Variants in CROCC observed in about 807,000 individuals in gnomAD.
CROCC encodes rootletin.
A neutral mutation model predicts 245.2 loss-of-function variants in CROCC; 180 were observed. That is an observed-to-expected ratio of 0.73 (90% confidence interval 0.65 to 0.83). CROCC has a LOEUF of 0.83. Ranked by LOEUF, CROCC falls within the 40% of genes least tolerant of loss-of-function variation. The pLI, the probability that CROCC is intolerant of heterozygous loss-of-function variation, is 0.00. For synonymous variants in CROCC, 1,205 were observed against 1,241.6 expected (o/e 0.97, Z 0.62); for missense variants, 2,688 against 2,779.4 (o/e 0.97, Z 0.74).
chr1:16,961,132 T>TAAGGGC lies in CROCC; in HGVS notation c.4405+4_4405+9dup. The TAAGGGC allele has an allele frequency of 7.5e-7, 1 of 1,334,256 alleles. No homozygotes were observed. The highest frequency in any genetic ancestry group is 9.5e-7 in the Non-Finnish European group (1 of 1,047,452). 82.7% of individuals were successfully genotyped at this position (1,334,256 alleles called of 1,614,324 possible). A position where few individuals can be genotyped will look rare whatever the true frequency, so the allele number is the denominator to read the frequency against. On this transcript the variant is annotated splice_region_variant and intron_variant, in intron 27 of 36. Transcript: ENST00000375541. Reference sequence around the variant, plus strand: ...CTGCCCGGGACGCACCCGCAGAAGGTAAGGGCAGTGCCGCGCGCAGGGAAG... The same window carrying TAAGGGC: ...CTGCCCGGGACGCACCCGCAGAAGGTAAGGGCAAGGGCAGTGCCGCGCGCAGGGAAG...
chr1:16,937,976 G>T (rs1300240157), intron 10 of CROCC, among the ~76,000 whole-genome samples: 12 of 152,268 alleles, frequency 7.9e-5, no homozygotes, highest in Admixed American at 5.9e-4. Flanking sequence ...AGGCCCAAGA[G>T]GGGTAATGCT....
At chr1:16,919,604 T>G (rs2075361697), upstream of CROCC, among the ~76,000 whole-genome samples, 1 of 152,282 alleles carries the variant, frequency 6.6e-6, no homozygotes. Flanking sequence ...GCTCCTCGAG[T>G]GAGCAATTCC....
At chr1:16,965,927 T>C (rs1231969135) in intron 28 of CROCC, 35 bp downstream of exon 28, 2 of 1,605,344 alleles carry the variant, frequency 1.2e-6, no homozygotes, top group Non-Finnish European at 1.7e-6. Flanking sequence ...ATGGGGAACC[T>C]GGAGGGCCCT....
At chr1:16,967,432 T>A (rs1244918354) in intron 30 of CROCC, among the ~76,000 whole-genome samples, 1 of 152,046 alleles carries the variant, frequency 6.6e-6, no homozygotes, top group African/African-American at 2.4e-5. Context: ...CGAGCTTAGC[T>A]GGATTGTTGT....
rs2076522152 is a variant in CROCC at position 16,971,583 on chromosome 1, CTG to C, written c.5904_5905del (p.Glu1969AlafsTer122). ...CGGCTGCGCAGCGCCCAGGCGCAGA[CTG>C]AGCGCACCCTGGAGGCTCGGGAGCG... On this transcript the variant is annotated frameshift_variant, in exon 36 of 37. Transcript: ENST00000375541. LOFTEE classifies it high-confidence loss of function. The C allele has an allele frequency of 6.5e-7, 1 of 1,532,970 alleles. No homozygotes were observed. Among genetic ancestry groups the C allele is most frequent in the South Asian group, 1.2e-5 (1 of 83,756 alleles). 95.0% of individuals were successfully genotyped at this position (1,532,970 alleles called of 1,614,324 possible).
chr1:16,969,302 G>A lies in CROCC; in HGVS notation c.5263G>A (p.Ala1755Thr). ...GGACAAGAACCTGCATCTGCAGAAG[G>A]CTCTGACCGCCTGTGAACATGACCG... ...TRDKNLHLQKALTACEHDRQV... is the reference protein window; with the variant it reads ...TRDKNLHLQKTLTACEHDRQV... The change falls in exon 32 of 37, where the codon GCT (alanine) becomes ACT (threonine). Residue 1755 changes from alanine to threonine, a missense_variant. Coordinates refer to ENST00000375541, the MANE Select transcript of CROCC (RefSeq NM_014675.5). 1.2e-6 allele frequency: 2 copies of A among 1,612,112 alleles called. No homozygotes were observed. Among genetic ancestry groups the A allele is most frequent in the Non-Finnish European group, 1.7e-6 (2 of 1,179,578 alleles).
At chr1:16,923,596 C>A (rs1488054085) in intron 2 of CROCC, among the ~76,000 whole-genome samples, 1 of 152,148 alleles carries the variant, frequency 6.6e-6, no homozygotes, top group African/African-American at 2.4e-5. Context: ...GAGCCCTAGC[C>A]TTTAAAGTTC....
At chr1:16,929,508 C>T (rs112644715) in intron 3 of CROCC, among the ~76,000 whole-genome samples, 2,064 of 151,450 alleles carry the variant, frequency 0.014, no homozygotes, top group African/African-American at 0.048. Context: ...TAAACAGAAA[C>T]CACGACAGGG....
Position 16,969,736 on chromosome 1 carries a change from T to G in CROCC, c.5302-49T>G, listed in dbSNP as rs767761180. The G allele has an allele frequency of 3.2e-6, 5 of 1,577,122 alleles. No homozygotes were observed. The African/African-American group carries it at 6.8e-5, about 21-fold the overall frequency. ...TCCAGAGGTACAGAATAGAGAGGAC[T>G]CCTTAGGGCTCCCAGGCCAGCCAGG... On this transcript the variant is annotated intron_variant, in intron 32 of 36. Coordinates refer to ENST00000375541, the MANE Select transcript of CROCC (RefSeq NM_014675.5).
At chr1:16,957,578 G>A (rs998238438) in intron 25 of CROCC, among the ~76,000 whole-genome samples, 9 of 152,014 alleles carry the variant, frequency 5.9e-5, no homozygotes, top group African/African-American at 1.4e-4. Flanking sequence ...AAGTAGCTGG[G>A]ATTACAGATG....
rs540753825 is a variant in CROCC at position 16,943,963 on chromosome 1, G to A, written c.1809-137G>A. 1.8e-5 allele frequency: 15 copies of A among 846,108 alleles called. No individual in the cohort carries two copies. The Admixed American group carries it at 3.0e-4, about 17-fold the overall frequency. 52.4% of individuals were successfully genotyped at this position (846,108 alleles called of 1,614,324 possible). The stretch of plus-strand genomic sequence containing the variant: ...GAAATGAGTCAGCCATGGACAGGGT[G>A]GTCAGGGAAGGCTTCCTGGAGGCAG... On this transcript the variant is annotated intron_variant, in intron 13 of 36. Coordinates refer to ENST00000375541, the MANE Select transcript of CROCC (RefSeq NM_014675.5).
intron 2 of CROCC, 24 bp from the exon 3 acceptor site, chr1:16,924,301 C>T (rs767340185): frequency 1.9e-6 from 3 of 1,606,096 alleles, no homozygotes; most frequent in Admixed American, 1.7e-5. Flanking sequence ...AGAAGCCAAC[C>T]ATGTGCCCAC....
At position 16,922,678 on chromosome 1, in the gene CROCC, G is replaced by A. The variant is rs151052489; in HGVS notation, c.76G>A (p.Val26Ile). 4.0e-4 allele frequency: 643 copies of A among 1,611,538 alleles called. No homozygotes were observed. Among genetic ancestry groups the A allele is most frequent in the Non-Finnish European group, 5.3e-4 (622 of 1,178,922 alleles). The change falls in exon 2 of 37, where the codon GTC (valine) becomes ATC (isoleucine). Residue 26 changes from valine (V) to isoleucine (I), a missense_variant. Transcript: ENST00000375541. ...TTTCCCACAGACACTGGAGAGCAGC[G>A]TCCTGTGCCAGGAGAAAGGCTTGGG... ...ETVIQTLESS[V>I]LCQEKGLGAR...
chr1:16,960,759 T>TC lies in CROCC; in HGVS notation c.4036dup (p.Gln1346ProfsTer32), dbSNP rs1319156269. The stretch of plus-strand genomic sequence containing the variant: ...CTCCACCTCCTGGCATCACTCCAGC[T>TC]CCAGGTAGCCCAGCGGAAGCTGCAG... On this transcript the variant is annotated frameshift_variant and splice_region_variant, in exon 27 of 37. Transcript: ENST00000375541. LOFTEE classifies it high-confidence loss of function. 6 of 1,527,554 alleles carry TC rather than the reference T, an allele frequency of 3.9e-6. No homozygotes were observed. 94.6% of individuals were successfully genotyped at this position (1,527,554 alleles called of 1,614,324 possible).
chr1:16,966,626 G>A lies in CROCC; in HGVS notation c.4860+55G>A, dbSNP rs2076423367. On this transcript the variant is annotated intron_variant, in intron 30 of 36. Transcript: ENST00000375541. The surrounding 1 kb of genome is among the most constrained non-coding windows in gnomAD (Gnocchi z 4.8). ...ACGGGGAATCTGTGTACCCGAGTGAGTGTCTAACTCTTATGTGTGTCTCCC... is the reference window on the plus strand; with the variant it reads ...ACGGGGAATCTGTGTACCCGAGTGAATGTCTAACTCTTATGTGTGTCTCCC... 1 of 1,434,868 alleles carries A rather than the reference G, an allele frequency of 7.0e-7. No individual in the cohort carries two copies. The highest frequency in any genetic ancestry group is 1.4e-5 in the African/African-American group (1 of 69,410). 88.9% of individuals were successfully genotyped at this position (1,434,868 alleles called of 1,614,324 possible). A position where few individuals can be genotyped will look rare whatever the true frequency, so the allele number is the denominator to read the frequency against.
At position 16,946,789 on chromosome 1, in the gene CROCC, G is replaced by A. The variant is rs2076056912; in HGVS notation, c.2312G>A (p.Gly771Asp). The A allele has an allele frequency of 6.4e-7, 1 of 1,552,066 alleles. No homozygotes were observed. Residue 771 changes from glycine (G) to aspartate (D), a missense_variant, in exon 17 of 37, where the codon GGC (glycine) becomes GAC (aspartate). Physicochemically the swap from Gly to Asp is moderately conservative, Grantham distance 94. Transcript: ENST00000375541. Reference protein sequence around the residue: ...QLEEEKSALQGRQRQAEQEAT... With the variant: ...QLEEEKSALQDRQRQAEQEAT... ...GAGGAAGAAAAGTCCGCCCTGCAGG[G>A]CCGGCAACGGCAGGCAGAGCAGGAG...
chr1:16,955,391 G>T lies in CROCC; in HGVS notation c.3545G>T (p.Arg1182Leu), dbSNP rs557707153. 2.5e-6 allele frequency: 4 copies of T among 1,605,034 alleles called. No individual in the cohort carries two copies. In the South Asian group the frequency reaches 4.4e-5, roughly 18 times the overall value. Residue 1182 changes from arginine to leucine, a missense_variant, in exon 24 of 37, where the codon CGC becomes CTC. Transcript: ENST00000375541. ...CGGCGGGAGCTGCTGGAGGCCCAGC[G>T]CAAGCTGCGTGAGAGCCAGGAGGGC... ...GLRRELLEAQ[R>L]KLRESQEGRE...
Position 16,946,883 on chromosome 1 carries a change from G to A in CROCC, c.2406G>A (p.Gln802=), listed in dbSNP as rs769831596. ...ELRLEQEVAR[Q]GLEGSLRVAE... Reference sequence around the variant, plus strand: ...GGTTGGAGCAGGAGGTGGCGCGGCAGGGCCTGGAGGGCTCCCTACGAGTGG... The same window carrying A: ...GGTTGGAGCAGGAGGTGGCGCGGCAAGGCCTGGAGGGCTCCCTACGAGTGG... The change falls in exon 17 of 37, where the codon CAG becomes CAA. Residue 802 remains glutamine (Q), a synonymous_variant. Coordinates refer to ENST00000375541, the MANE Select transcript of CROCC (RefSeq NM_014675.5). The A allele has an allele frequency of 3.2e-6, 5 of 1,562,466 alleles. No individual in the cohort carries two copies. The South Asian group carries it at 3.5e-5, about 11-fold the overall frequency.
chr1:16,924,114 C>A (rs559754071), intron 2 of CROCC, among the ~76,000 whole-genome samples: 1 of 152,284 alleles, frequency 6.6e-6, no homozygotes, highest in East Asian at 1.9e-4. Flanking sequence ...CTGGGCCACA[C>A]TTTAGCTGGA....
Sources: gnomAD v4.1 joint callset for allele counts (sites outside exome capture counted in the v4.1 genomes callset) on GRCh38, gnomAD v4.1.1 for gene constraint, Gnocchi (gnomAD v3.1) non-coding constraint, MANE v1.5 for transcripts, NCBI Gene and HGNC (gene_info 2026-07-23, HGNC 2026-07-21) for gene names.